TGDS: variants seen among roughly 807,000 people sequenced by gnomAD.
The protein encoded by TGDS is TDP-glucose 4,6-dehydratase.
In TGDS, 47 loss-of-function variants were observed where a neutral mutation model predicts 52.3. That is an observed-to-expected ratio of 0.90 (90% CI 0.71 to 1.15). TGDS has a LOEUF of 1.15. TGDS is among the 50% of genes most tolerant of loss of function. The pLI, the probability that TGDS is intolerant of heterozygous loss-of-function variation, is 0.00. For missense variants in TGDS, 375 were observed against 418.4 expected (o/e 0.90, Z 0.90); for synonymous variants, 115 against 136.9 (o/e 0.84, Z 1.12).
intron 4 of TGDS, among the ~76,000 whole-genome samples, chr13:94,588,957 G>A (rs1278272676): frequency 6.6e-6 from 1 of 151,950 alleles, no homozygotes; most frequent in Non-Finnish European, 1.5e-5. Context: ...ATGAAATTGG[G>A]GTTATATAAG....
chr13:94,592,104 T>G (rs956301117), intron 3 of TGDS, 137 bp downstream of exon 3: 85 of 574,522 alleles, frequency 1.5e-4, no homozygotes, highest in Non-Finnish European at 1.2e-4. Flanking sequence ...TTTTGGAAAT[T>G]AACTACCTGA....
chr13:94,577,464 T>A, intron 9 of TGDS, 35 bp from the exon 10 acceptor site: 1 of 1,514,140 alleles, frequency 6.6e-7, no homozygotes, highest in Non-Finnish European at 8.8e-7. Context: ...AGTCAAATTA[T>A]AAAATGAGAT....
intron 11 of TGDS, 34 bp downstream of exon 11, chr13:94,576,280 G>A: frequency 6.9e-7 from 1 of 1,448,436 alleles, no homozygotes; most frequent in Non-Finnish European, 9.4e-7. Flanking sequence ...AAATTTTTCT[G>A]ACTTGCCCCC....
intron 6 of TGDS, 78 bp downstream of exon 6, chr13:94,581,011 GAA>G: frequency 5.4e-6 from 4 of 746,006 alleles, no homozygotes; most frequent in East Asian, 3.4e-5. Flanking sequence ...TTGAAAAAAA[GAA>G]AAAAAAAAGC....
intron 6 of TGDS, among the ~76,000 whole-genome samples, chr13:94,580,858 T>C (rs969940278): frequency 3.5e-4 from 54 of 152,224 alleles, no homozygotes; most frequent in African/African-American, 1.3e-3. Context: ...AAAGCTGACT[T>C]GGGCTGGGCG....
At chr13:94,588,819 C>G (rs1889092389) in intron 4 of TGDS, among the ~76,000 whole-genome samples, 13 of 152,132 alleles carry the variant, frequency 8.5e-5, no homozygotes. Flanking sequence ...AGTGCGTAAT[C>G]AGACAGGCAG....
intron 1 of TGDS, among the ~76,000 whole-genome samples, chr13:94,595,612 G>A (rs1175260163): frequency 6.6e-6 from 1 of 152,182 alleles, no homozygotes; most frequent in Non-Finnish European, 1.5e-5. Context: ...GAAGAAAAGG[G>A]TGTCAACAGT....
intron 8 of TGDS, 145 bp from the exon 9 acceptor site, chr13:94,578,315 C>G (rs1460672109): frequency 3.4e-6 from 3 of 871,390 alleles, no homozygotes; most frequent in Non-Finnish European, 1.7e-6. Flanking sequence ...CGTAGCTTTT[C>G]TAAATTTTGT....
Position 94,578,138 on chromosome 13 carries a change from T to C in TGDS, c.692A>G (p.Asn231Ser), listed in dbSNP as rs1357654176. 6.2e-7 allele frequency: 1 copy of C among 1,613,782 alleles called. No homozygotes were observed. Among genetic ancestry groups the C allele is most frequent in the Non-Finnish European group, 8.5e-7 (1 of 1,179,834 alleles). ...TACAACATCAGTAGCATAAAGGAAG[T>C]TTCTTGTTTGAAGCCCTGACCCATG... is the stretch of plus-strand genomic sequence containing the variant. ...CIHGSGLQTR[N>S]FLYATDVVEA... The change falls in exon 9 of 12, where the codon AAC (asparagine) becomes AGC (serine). Residue 231 changes from asparagine (N) to serine (S), a missense_variant. By Grantham distance (46) the Asn-to-Ser change is conservative (BLOSUM62 1). Transcript: ENST00000261296.
chr13:94,581,598 T>C (rs1239430090), intron 5 of TGDS, among the ~76,000 whole-genome samples: 1 of 152,188 alleles, frequency 6.6e-6, no homozygotes, highest in Non-Finnish European at 1.5e-5. Flanking sequence ...TTGGATCTGA[T>C]GTAGGGTGGC....
chr13:94,593,305 T>A (rs987917166), intron 2 of TGDS, among the ~76,000 whole-genome samples: 7 of 152,220 alleles, frequency 4.6e-5, no homozygotes, highest in African/African-American at 1.7e-4. Flanking sequence ...CCTCAAACTG[T>A]TGGTATATTG....
intron 10 of TGDS, 89 bp from the exon 11 acceptor site, chr13:94,576,500 C>T (rs1365862347): frequency 1.0e-5 from 8 of 779,944 alleles, no homozygotes; most frequent in African/African-American, 3.7e-5. Context: ...GCATTTTTAC[C>T]ACAACCCAAC....
In TGDS at chr13:94,587,704, TAATC is replaced by T. The variant is rs1433668247; in HGVS notation, c.313+3145_313+3148del. 2.0e-5 allele frequency among the ~76,000 whole-genome samples: 3 copies of T among 152,000 alleles called. No individual in the cohort carries two copies. In the East Asian group the frequency reaches 5.8e-4, roughly 29 times the overall value. ...ACCTTGGAGGTGGGAAATGAGTTCT[TAATC>T]AAGACAGAGCCGGGTGCGGTGGCTC... On this transcript the variant is annotated intron_variant, in intron 4 of 11. Coordinates refer to ENST00000261296, the MANE Select transcript of TGDS (RefSeq NM_014305.4).
intron 1 of TGDS, among the ~76,000 whole-genome samples, chr13:94,595,764 G>A (rs1184248114): frequency 6.6e-6 from 1 of 152,086 alleles, no homozygotes; most frequent in Non-Finnish European, 1.5e-5. Context: ...GCAGCTTAGG[G>A]TAACTTGCAC....
chr13:94,591,047 T>C (rs1889184368), intron 3 of TGDS, 104 bp from the exon 4 acceptor site: 12 of 730,760 alleles, frequency 1.6e-5, no homozygotes, highest in South Asian at 1.1e-4. Flanking sequence ...CCCTGTTTAA[T>C]AGAGAATGCC....
intron 1 of TGDS, among the ~76,000 whole-genome samples, chr13:94,594,840 T>C (rs926583146): frequency 6.6e-6 from 1 of 151,892 alleles, no homozygotes; most frequent in Non-Finnish European, 1.5e-5. Flanking sequence ...CTTCTTCCAC[T>C]AGCCACTGAG....
At chr13:94,586,669 TAAG>T (rs879832498) in intron 4 of TGDS, among the ~76,000 whole-genome samples, 5 of 150,026 alleles carry the variant, frequency 3.3e-5, no homozygotes, top group Non-Finnish European at 7.4e-5. Flanking sequence ...TAGAATTCCA[TAAG>T]AACAAGAAAA....
intron 5 of TGDS, among the ~76,000 whole-genome samples, chr13:94,581,672 T>C (rs1035254235): frequency 1.3e-5 from 2 of 152,230 alleles, no homozygotes; most frequent in African/African-American, 4.8e-5. Context: ...TGGTTACTTC[T>C]TGGAAGCAGA....
intron 8 of TGDS, 104 bp downstream of exon 8, chr13:94,578,626 A>C: frequency 6.3e-6 from 5 of 790,904 alleles, no homozygotes; most frequent in Non-Finnish European, 8.4e-6. Context: ...TTAGTGGGGC[A>C]TTCAATTCTA....
Sources: gnomAD v4.1 joint callset for allele counts (sites outside exome capture counted in the v4.1 genomes callset) on GRCh38, gnomAD v4.1.1 for gene constraint, MANE v1.5 for transcripts, NCBI Gene and HGNC (gene_info 2026-07-23, HGNC 2026-07-21) for gene names.